SPHKAP: variants seen among roughly 807,000 people sequenced by gnomAD.
The protein encoded by SPHKAP is A-kinase anchor protein SPHKAP.
A neutral mutation model predicts 137.5 loss-of-function variants in SPHKAP; 67 were observed. The ratio of observed to expected loss-of-function variants is 0.49; its 90% confidence interval spans 0.40 to 0.60. SPHKAP has a LOEUF of 0.60. SPHKAP is among the 20% of genes least tolerant of loss of function. The pLI, the probability that SPHKAP is intolerant of heterozygous loss-of-function variation, is 0.00. For missense variants in SPHKAP, 2,097 were observed against 2,069.3 expected (o/e 1.01, Z -0.26); for synonymous variants, 813 against 785.3 (o/e 1.04, Z -0.59).
rs540679382 is a variant in SPHKAP at position 228,115,222 on chromosome 2, G to T, written c.139-6283C>A. 1.4e-4 allele frequency among the ~76,000 whole-genome samples: 21 copies of T among 152,168 alleles called. No individual in the cohort carries two copies. In the East Asian group the frequency reaches 2.7e-3, roughly 20 times the overall value. On this transcript the variant is annotated intron_variant, in intron 2 of 11. Transcript: ENST00000392056. ...TCAGGGAATTAATTACCACCTGGAG[G>T]GATGACTTGCTGATCTGTAGCTCCA...
chr2:228,056,923 A>G (rs1384540330), intron 3 of SPHKAP, among the ~76,000 whole-genome samples: 1 of 152,218 alleles, frequency 6.6e-6, no homozygotes, highest in Non-Finnish European at 1.5e-5. Context: ...GAAGAAAATC[A>G]TGAATCACCA....
intron 1 of SPHKAP, among the ~76,000 whole-genome samples, chr2:228,135,229 G>A (rs890726269): frequency 4.1e-5 from 6 of 147,918 alleles, no homozygotes; most frequent in Non-Finnish European, 7.4e-5. Flanking sequence ...GGCCGAGATC[G>A]TGCCATTGCA....
chr2:228,004,121 G>T (rs1375834387), intron 7 of SPHKAP, among the ~76,000 whole-genome samples: 1 of 152,198 alleles, frequency 6.6e-6, no homozygotes, highest in Non-Finnish European at 1.5e-5. Flanking sequence ...GATTGGAATA[G>T]TTTCAAAAAG....
At chr2:228,155,832 T>A (rs908236094) in intron 1 of SPHKAP, among the ~76,000 whole-genome samples, 2 of 152,354 alleles carry the variant, frequency 1.3e-5, no homozygotes, top group Non-Finnish European at 2.9e-5. Flanking sequence ...ATGTAATATT[T>A]GTTGCAAATA....
chr2:228,006,953 C>T (rs2396521), intron 7 of SPHKAP, among the ~76,000 whole-genome samples: 1 of 152,026 alleles, frequency 6.6e-6, no homozygotes, highest in Non-Finnish European at 1.5e-5. Flanking sequence ...TCCCCTACTG[C>T]GGGATGCCTC....
chr2:227,994,317 T>C (rs1167420495), intron 8 of SPHKAP, among the ~76,000 whole-genome samples: 3 of 152,190 alleles, frequency 2.0e-5, no homozygotes, highest in Admixed American at 1.3e-4. Flanking sequence ...AGTCAACATA[T>C]GGTCTAGTTA....
chr2:228,036,550 T>G (rs1308030180), intron 3 of SPHKAP, among the ~76,000 whole-genome samples: 1 of 152,160 alleles, frequency 6.6e-6, no homozygotes, highest in South Asian at 2.1e-4. Context: ...CCCAAAGGAT[T>G]ATAAATCATG....
chr2:228,105,976 C>T (rs768361003), intron 3 of SPHKAP, among the ~76,000 whole-genome samples: 5 of 152,198 alleles, frequency 3.3e-5, no homozygotes, highest in Non-Finnish European at 7.3e-5. Flanking sequence ...CTGAGCCAGA[C>T]TTCCTGGATA....
chr2:228,156,793 G>T (rs529852960), intron 1 of SPHKAP, among the ~76,000 whole-genome samples: 1 of 152,144 alleles, frequency 6.6e-6, no homozygotes, highest in Non-Finnish European at 1.5e-5. Context: ...GCTTTATAAA[G>T]GGGAGGTCCC....
chr2:228,018,064 C>A lies in SPHKAP; in HGVS notation c.2790G>T (p.Ala930=), dbSNP rs766823049. ...HPDIYCITDF[A]EELADTVVSM... ...AGACGACCGTGTCTGCTAATTCTTC[C>A]GCAAAGTCTGTAATGCAGTAGATGT... Residue 930 remains alanine, a synonymous_variant, in exon 7 of 12, where the codon GCG becomes GCT. Coordinates refer to ENST00000392056, the MANE Select transcript of SPHKAP (RefSeq NM_001142644.2). 4 of 1,614,110 alleles carry A rather than the reference C, an allele frequency of 2.5e-6. No homozygotes were observed. In the East Asian group the frequency reaches 8.9e-5, roughly 36 times the overall value.
Position 228,021,926 on chromosome 2 carries a change from C to T in SPHKAP, c.482G>A (p.Arg161Lys), listed in dbSNP as rs750200248. Residue 161 changes from arginine (R) to lysine (K), a missense_variant, in exon 6 of 12, where the codon AGA becomes AAA. Transcript: ENST00000392056. ...LPDICLVQCA[R>K]GNRPNSTNCI... ...GTTGGTACTGTTTGGTCTGTTCCCT[C>T]TTGCACATTGGACCAAGCAGATATC... The T allele has an allele frequency of 5.6e-6, 9 of 1,612,898 alleles. No individual in the cohort carries two copies. The African/African-American group carries it at 1.2e-4, about 22-fold the overall frequency.
In SPHKAP at chr2:228,015,647, A is replaced by T. The variant is rs150469900; in HGVS notation, c.4448+759T>A. On this transcript the variant is annotated intron_variant, in intron 7 of 11. Transcript: ENST00000392056. The stretch of plus-strand genomic sequence containing the variant: ...TGCGTCAAATTCAAAATGGATTGTC[A>T]ACTATGTCATAATTTTCTGGAAAAA... Among the ~76,000 whole-genome samples, 596 of 152,308 alleles carry T rather than the reference A, an allele frequency of 3.9e-3. 2 individuals are homozygous for T. Among genetic ancestry groups the T allele is most frequent in the African/African-American group, 0.013 (557 of 41,572 alleles).
In SPHKAP at chr2:228,001,662, T is replaced by C. The variant is rs945373205; in HGVS notation, c.4449-5968A>G. Among the ~76,000 whole-genome samples, 17 of 151,558 alleles carry C rather than the reference T, an allele frequency of 1.1e-4. 1 individual carries two copies. Among genetic ancestry groups the C allele is most frequent in the South Asian group, 8.3e-4 (4 of 4,824 alleles). On this transcript the variant is annotated intron_variant, in intron 7 of 11. Transcript: ENST00000392056. Reference sequence around the variant, plus strand: ...GTATACATGTGCCATGTTGGTGTGCTGCACCCATTAACTCGTCATTTACAT... The same window carrying C: ...GTATACATGTGCCATGTTGGTGTGCCGCACCCATTAACTCGTCATTTACAT...
rs80222490 is a variant in SPHKAP, at chr2:228,137,913, T to C, written c.33-5828A>G. ...GAAGCCCAGAGGTTTAAGTCAATTT[T>C]TCAAAAACTGACTTGTTTTAAACAT... On this transcript the variant is annotated intron_variant, in intron 1 of 11. Coordinates refer to ENST00000392056, the MANE Select transcript of SPHKAP (RefSeq NM_001142644.2). Among the ~76,000 whole-genome samples, 832 of 152,318 alleles carry C rather than the reference T, an allele frequency of 5.5e-3. 10 individuals are homozygous for C. Among genetic ancestry groups the C allele is most frequent in the African/African-American group, 0.019 (783 of 41,570 alleles).
chr2:228,015,785 A>T (rs897810849), intron 7 of SPHKAP, among the ~76,000 whole-genome samples: 5 of 152,200 alleles, frequency 3.3e-5, no homozygotes, highest in African/African-American at 1.2e-4. Flanking sequence ...AGATCTTTAG[A>T]AAAAGACAAA....
chr2:228,120,298 C>G (rs141139916), intron 2 of SPHKAP, among the ~76,000 whole-genome samples: 1,567 of 152,214 alleles, frequency 0.01, 20 homozygotes, highest in African/African-American at 0.036. Context: ...GAGTCCTTAT[C>G]TATGAAATGC....
chr2:228,154,532 ATTTTTTTTTTTTTTTT>A (rs1168623467), intron 1 of SPHKAP, among the ~76,000 whole-genome samples: 9 of 29,392 alleles, frequency 3.1e-4, no homozygotes, highest in Admixed American at 6.8e-4. Context: ...ATATATATAT[ATTTTTTTTTTTTTTTT>A]TTTTTTTTTT....
chr2:228,078,331 T>C (rs769315317), intron 3 of SPHKAP, among the ~76,000 whole-genome samples: 2 of 152,146 alleles, frequency 1.3e-5, no homozygotes, highest in Non-Finnish European at 2.9e-5. Context: ...AGAAGTAGTA[T>C]TTATCTTTCA....
At chr2:228,044,513 G>T (rs1695960288) in intron 3 of SPHKAP, among the ~76,000 whole-genome samples, 1 of 152,094 alleles carries the variant, frequency 6.6e-6, no homozygotes, top group Admixed American at 6.6e-5. Context: ...CCTATAGATT[G>T]GATGCTTTAG....
Sources: allele counts gnomAD v4.1 joint callset (sites outside exome capture counted in the v4.1 genomes callset), GRCh38; gene constraint gnomAD v4.1.1; transcripts MANE v1.5; gene names NCBI Gene and HGNC (gene_info 2026-07-23, HGNC 2026-07-21).